Variants in PEAK1 observed in about 807,000 individuals in gnomAD.
PEAK1 encodes the protein pseudopodium enriched atypical kinase 1.
A neutral mutation model predicts 124.7 loss-of-function variants in PEAK1; 54 were observed. The observed-to-expected ratio is 0.43, with a 90% CI of 0.35 to 0.54. The LOEUF is 0.54. PEAK1 is among the 20% of genes least tolerant of loss of function. PEAK1 has a pLI of 0.01. For missense variants in PEAK1, 2,046 were observed against 2,134.5 expected (o/e 0.96, Z 0.82); for synonymous variants, 719 against 760.0 (o/e 0.95, Z 0.89).
Position 77,133,528 on chromosome 15 carries a change from T to C in PEAK1, c.3554A>G (p.Asn1185Ser). The C allele has an allele frequency of 6.2e-7, 1 of 1,614,190 alleles. No individual in the cohort carries two copies. Among genetic ancestry groups the C allele is most frequent in the South Asian group, 1.1e-5 (1 of 91,078 alleles). ...SMESSLCVMA[N>S]PTYDIDPNWD... The stretch of plus-strand genomic sequence containing the variant: ...GTTGGGGTCGATATCATAGGTGGGA[T>C]TAGCCATGACACAAAGACTACTTTC... Residue 1185 changes from asparagine (N) to serine (S), a missense_variant, in exon 9 of 10, where the codon AAT (asparagine) becomes AGT (serine). By Grantham distance (46) the Asn-to-Ser change is conservative. Coordinates refer to ENST00000682557, the MANE Select transcript of PEAK1 (RefSeq NM_001385026.1). This position sits in a 1 kb window ranked among gnomAD's most constrained non-coding sequence, Gnocchi z 4.2.
intron 6 of PEAK1, among the ~76,000 whole-genome samples, chr15:77,248,887 C>T (rs2060715886): frequency 6.6e-6 from 1 of 152,058 alleles, no homozygotes; most frequent in African/African-American, 2.4e-5. Flanking sequence ...TGCAGTGGTG[C>T]CATCTCGGCT....
intron 8 of PEAK1, among the ~76,000 whole-genome samples, chr15:77,142,330 G>A (rs1449687827): frequency 2.6e-5 from 4 of 152,138 alleles, no homozygotes; most frequent in Non-Finnish European, 4.4e-5. Flanking sequence ...TGAGGATGTG[G>A]AGAAATTCAA....
At chr15:77,400,662 T>C (rs1356603064) in intron 1 of PEAK1, among the ~76,000 whole-genome samples, 1 of 152,096 alleles carries the variant, frequency 6.6e-6, no homozygotes, top group Admixed American at 6.5e-5. Flanking sequence ...CATTATAAGT[T>C]GAGGAACATC....
At chr15:77,264,907 A>T (rs2152945338) in intron 5 of PEAK1, among the ~76,000 whole-genome samples, 1 of 152,234 alleles carries the variant, frequency 6.6e-6, no homozygotes, top group Non-Finnish European at 1.5e-5. Context: ...CAAAACAGAG[A>T]TATAGATCAA....
chr15:77,358,450 A>G lies in PEAK1; in HGVS notation c.-603+6713T>C, dbSNP rs1160573150. Reference sequence around the variant, plus strand: ...AAAACCAATCTTACTAAGGTCACTAAAAGACCAAACCAAAAGTCATGCTGT... The same window carrying G: ...AAAACCAATCTTACTAAGGTCACTAGAAGACCAAACCAAAAGTCATGCTGT... On this transcript the variant is annotated intron_variant, in intron 2 of 9. Coordinates refer to ENST00000682557, the MANE Select transcript of PEAK1 (RefSeq NM_001385026.1). Among the ~76,000 whole-genome samples the G allele has an allele frequency of 2.6e-5, 4 of 152,208 alleles. No homozygotes were observed. In the East Asian group the frequency reaches 7.7e-4, roughly 29 times the overall value.
At chr15:77,281,244 T>C (rs1455264991) in intron 5 of PEAK1, among the ~76,000 whole-genome samples, 1 of 152,246 alleles carries the variant, frequency 6.6e-6, no homozygotes, top group Non-Finnish European at 1.5e-5. Context: ...CTGCCATTTC[T>C]GCCAGCCAAA....
At chr15:77,364,795 C>T (rs2068112979) in intron 2 of PEAK1, among the ~76,000 whole-genome samples, 1 of 152,152 alleles carries the variant, frequency 6.6e-6, no homozygotes, top group African/African-American at 2.4e-5. Context: ...AATAATGGCC[C>T]ATTAAAATAG....
At chr15:77,380,486 T>C (rs551951643) in intron 1 of PEAK1, among the ~76,000 whole-genome samples, 1 of 152,154 alleles carries the variant, frequency 6.6e-6, no homozygotes, top group Non-Finnish European at 1.5e-5. Flanking sequence ...AATCAGTTTT[T>C]TGAATTTTTT....
At chr15:77,174,036 C>A (rs982736491) in intron 7 of PEAK1, among the ~76,000 whole-genome samples, 2 of 152,158 alleles carry the variant, frequency 1.3e-5, no homozygotes, top group Non-Finnish European at 2.9e-5. Context: ...ATCTTTATAG[C>A]CTTGTACACT....
intron 5 of PEAK1, among the ~76,000 whole-genome samples, chr15:77,258,647 G>C (rs1236805144): frequency 6.6e-6 from 1 of 152,116 alleles, no homozygotes; most frequent in African/African-American, 2.4e-5. Context: ...GGGGTTTCTA[G>C]ATATACAATC....
intron 2 of PEAK1, among the ~76,000 whole-genome samples, chr15:77,319,579 AC>A (rs1390774093): frequency 6.6e-6 from 1 of 152,216 alleles, no homozygotes. Flanking sequence ...TAATAGACAG[AC>A]CTAGAACACT....
In PEAK1 at chr15:77,111,368, GA is replaced by G. The variant is rs2050964909; in HGVS notation, c.*2787del. The G allele has an allele frequency of 6.6e-6, 1 of 152,008 alleles. No individual in the cohort carries two copies. Among genetic ancestry groups the G allele is most frequent in the Non-Finnish European group, 1.5e-5 (1 of 67,998 alleles). The allele number at this position is 152,008 out of a possible 1,614,324, so 9.4% of individuals were successfully genotyped here. A position where few individuals can be genotyped will look rare whatever the true frequency, so the allele number is the denominator to read the frequency against. On this transcript the variant is annotated 3_prime_UTR_variant, in exon 10 of 10. Coordinates refer to ENST00000682557, the MANE Select transcript of PEAK1 (RefSeq NM_001385026.1). Reference sequence around the variant, plus strand: ...AAACTGACTGAATTTCATTTTTTTGGAAAAATATTCTGAAGACCAACTCATG... The same window carrying G: ...AAACTGACTGAATTTCATTTTTTTGGAAAATATTCTGAAGACCAACTCATG...
At chr15:77,358,115 G>A (rs2067639606) in intron 2 of PEAK1, among the ~76,000 whole-genome samples, 1 of 152,122 alleles carries the variant, frequency 6.6e-6, no homozygotes, top group Non-Finnish European at 1.5e-5. Context: ...TCTATCATGT[G>A]TTCTACATGC....
intron 5 of PEAK1, among the ~76,000 whole-genome samples, chr15:77,264,430 T>A (rs557511476): frequency 6.6e-6 from 1 of 151,778 alleles, no homozygotes; most frequent in Non-Finnish European, 1.5e-5. Context: ...AATCAATGTA[T>A]AAAATCACAA....
At chr15:77,317,366 AAAC>A (rs1210672792) in intron 2 of PEAK1, among the ~76,000 whole-genome samples, 1 of 152,244 alleles carries the variant, frequency 6.6e-6, no homozygotes, top group African/African-American at 2.4e-5. Flanking sequence ...CAAAAAAACT[AAAC>A]AACTTGTTAT....
At chr15:77,405,115 C>T (rs1244822368) in intron 1 of PEAK1, among the ~76,000 whole-genome samples, 1 of 152,032 alleles carries the variant, frequency 6.6e-6, no homozygotes, top group African/African-American at 2.4e-5. Context: ...AAGCGATTCC[C>T]CTGCCTCAGC....
At chr15:77,321,117 CAT>C (rs1249862092) in intron 2 of PEAK1, among the ~76,000 whole-genome samples, 3 of 152,296 alleles carry the variant, frequency 2.0e-5, no homozygotes, top group African/African-American at 7.2e-5. Context: ...CCACAATAAA[CAT>C]ATGTGTGCAT....
At chr15:77,361,480 C>T (rs2067882055) in intron 2 of PEAK1, among the ~76,000 whole-genome samples, 1 of 152,020 alleles carries the variant, frequency 6.6e-6, no homozygotes, top group Non-Finnish European at 1.5e-5. Flanking sequence ...AAAAAATGCT[C>T]AACATTGTTA....
At chr15:77,207,014 A>G (rs1255766770) in intron 6 of PEAK1, among the ~76,000 whole-genome samples, 2 of 152,192 alleles carry the variant, frequency 1.3e-5, no homozygotes, top group African/African-American at 4.8e-5. Context: ...AGAAATGGGG[A>G]AAGGATTCCC....
Sources: gnomAD v4.1 joint callset for allele counts (sites outside exome capture counted in the v4.1 genomes callset) on GRCh38, gnomAD v4.1.1 for gene constraint, Gnocchi (gnomAD v3.1) non-coding constraint, MANE v1.5 for transcripts, NCBI Gene and HGNC (gene_info 2026-07-23, HGNC 2026-07-21) for gene names.